Variants in PTPN13 observed in about 807,000 individuals in gnomAD.
PTPN13 encodes protein tyrosine phosphatase non-receptor type 13, also known as tyrosine-protein phosphatase non-receptor type 13.
Under a neutral mutation model 284.0 loss-of-function variants are expected in PTPN13, and 191 were observed. The observed-to-expected ratio is 0.67, with a 90% CI of 0.60 to 0.76. The LOEUF (loss-of-function observed/expected upper bound fraction) is 0.76. PTPN13 is among the 30% of genes least tolerant of loss of function. The pLI is 0.00. For missense variants in PTPN13, 2,797 were observed against 2,939.9 expected (o/e 0.95, Z 1.12); for synonymous variants, 986 against 1,022.3 (o/e 0.96, Z 0.68).
At chr4:86,679,389 C>T (rs1728636645) in intron 3 of PTPN13, among the ~76,000 whole-genome samples, 2 of 152,074 alleles carry the variant, frequency 1.3e-5, no homozygotes, top group African/African-American at 2.4e-5. Flanking sequence ...TATTGTATCC[C>T]CTATGCTCTC....
chr4:86,667,450 CT>C, intron 2 of PTPN13, among the ~76,000 whole-genome samples: 1 of 152,058 alleles, frequency 6.6e-6, no homozygotes, highest in South Asian at 2.1e-4. Flanking sequence ...ATTAATACAG[CT>C]TTATTTTGTA....
intron 7 of PTPN13, among the ~76,000 whole-genome samples, chr4:86,711,117 T>TTTTTTTTTTTTTTTTTG (rs1732367517): frequency 6.7e-6 from 1 of 148,736 alleles, no homozygotes; most frequent in African/African-American, 2.5e-5. Flanking sequence ...TTTTTTTTTT[T>TTTTTTTTTTTTTTTTTG]GGAGAGATGG....
At chr4:86,750,930 T>C (rs1737313338) in intron 18 of PTPN13, 43 bp downstream of exon 18, 2 of 1,581,390 alleles carry the variant, frequency 1.3e-6, no homozygotes. Flanking sequence ...TTGTAAATTC[T>C]ACATTTCATA....
chr4:86,594,834 G>T (rs1317490178), intron 1 of PTPN13, 45 bp downstream of exon 1: 1 of 152,354 alleles, frequency 6.6e-6, no homozygotes, highest in Non-Finnish European at 1.5e-5. Flanking sequence ...ATGTGCAGAA[G>T]TGCAAAACAA....
In PTPN13 at chr4:86,635,320, T is replaced by C. The variant is rs2148721992; in HGVS notation, c.64T>C (p.Trp22Arg). Reference sequence around the variant, plus strand: ...TGGACCACTTCAGGAGGAAGAAATATGGGCTGTATTAAATCAAAGTGCTGA... The same window carrying C: ...TGGACCACTTCAGGAGGAAGAAATACGGGCTGTATTAAATCAAAGTGCTGA... ...RGGPLQEEEI[W>R]AVLNQSAESL... is the part of the protein sequence containing the mutation. The change falls in exon 2 of 48, where the codon TGG (tryptophan) becomes CGG (arginine). Residue 22 changes from tryptophan to arginine, a missense_variant. Transcript: ENST00000411767. The C allele has an allele frequency of 1.2e-6, 2 of 1,607,716 alleles. No individual in the cohort carries two copies. Among genetic ancestry groups the C allele is most frequent in the Non-Finnish European group, 8.5e-7 (1 of 1,177,338 alleles).
intron 3 of PTPN13, among the ~76,000 whole-genome samples, chr4:86,686,421 GA>G (rs1729464400): frequency 6.6e-6 from 1 of 151,972 alleles, no homozygotes; most frequent in South Asian, 2.1e-4. Flanking sequence ...GAGGAAATAA[GA>G]ATATATATTC....
chr4:86,784,372 TAAGA>T (rs1452063742), intron 37 of PTPN13, 89 bp from the exon 38 acceptor site: 2 of 786,750 alleles, frequency 2.5e-6, no homozygotes, highest in African/African-American at 1.8e-5. Flanking sequence ...GATCTTGTAC[TAAGA>T]AAGAAGAGGA....
chr4:86,790,496 T>C (rs1400458936), intron 40 of PTPN13, among the ~76,000 whole-genome samples: 3 of 152,040 alleles, frequency 2.0e-5, no homozygotes, highest in Non-Finnish European at 4.4e-5. Flanking sequence ...TAATTACAAG[T>C]TGTGTTAAGG....
At chr4:86,776,138 G>C (rs983422202) in intron 35 of PTPN13, among the ~76,000 whole-genome samples, 47 of 152,102 alleles carry the variant, frequency 3.1e-4, no homozygotes, top group African/African-American at 1.1e-3. Flanking sequence ...TAGAGACGGG[G>C]TTTCACCATG....
intron 10 of PTPN13, among the ~76,000 whole-genome samples, chr4:86,724,948 C>T (rs1279392003): frequency 6.6e-6 from 1 of 151,926 alleles, no homozygotes; most frequent in Non-Finnish European, 1.5e-5. Context: ...GGTGTTTCTC[C>T]TAATGCTATC....
intron 2 of PTPN13, 85 bp from the exon 3 acceptor site, chr4:86,672,280 A>C: frequency 8.8e-7 from 1 of 1,135,662 alleles, no homozygotes; most frequent in South Asian, 1.7e-5. Flanking sequence ...TTATCCATTG[A>C]AGTGATTGCT....
intron 9 of PTPN13, among the ~76,000 whole-genome samples, chr4:86,719,119 T>C (rs1733361552): frequency 6.6e-6 from 1 of 152,158 alleles, no homozygotes. Flanking sequence ...TTTGTTCCTC[T>C]CCTTCCTCCC....
intron 37 of PTPN13, among the ~76,000 whole-genome samples, chr4:86,783,776 A>G (rs1418799615): frequency 2.6e-5 from 4 of 151,912 alleles, no homozygotes; most frequent in African/African-American, 7.2e-5. Context: ...TATTCCAAGC[A>G]TTTATTTTTG....
chr4:86,745,141 A>G lies in PTPN13; in HGVS notation c.2650+13A>G, dbSNP rs781571538. On this transcript the variant is annotated intron_variant, in intron 17 of 47. Coordinates refer to ENST00000411767, the MANE Select transcript of PTPN13 (RefSeq NM_080683.3). ...GCCCAAGATATTGGTAAGGAGAAGC[A>G]GACTATTTCAGATGACTCCTGGGAA... 6.3e-7 allele frequency: 1 copy of G among 1,595,220 alleles called. No homozygotes were observed. The highest frequency in any genetic ancestry group is 8.5e-7 in the Non-Finnish European group (1 of 1,171,964).
At chr4:86,738,175 C>T (rs1040790640) in intron 15 of PTPN13, among the ~76,000 whole-genome samples, 1 of 151,426 alleles carries the variant, frequency 6.6e-6, no homozygotes, top group East Asian at 2.0e-4. Flanking sequence ...TATAAACATT[C>T]CAGTTCACAT....
At chr4:86,629,876 C>T (rs1722273508) in intron 1 of PTPN13, among the ~76,000 whole-genome samples, 1 of 151,976 alleles carries the variant, frequency 6.6e-6, no homozygotes, top group Non-Finnish European at 1.5e-5. Flanking sequence ...CCCATCTCAA[C>T]CTCTCAGGTA....
At chr4:86,641,447 G>A (rs1175551893) in intron 2 of PTPN13, among the ~76,000 whole-genome samples, 5 of 152,016 alleles carry the variant, frequency 3.3e-5, no homozygotes, top group African/African-American at 1.2e-4. Context: ...ATTTCTACTG[G>A]GGTATTATTG....
At chr4:86,788,223 A>G (rs1014677496) in intron 40 of PTPN13, among the ~76,000 whole-genome samples, 3 of 152,194 alleles carry the variant, frequency 2.0e-5, no homozygotes, top group African/African-American at 7.2e-5. Flanking sequence ...AAAATTTGCA[A>G]ATATGACTAA....
intron 1 of PTPN13, among the ~76,000 whole-genome samples, chr4:86,608,518 A>G (rs2149185142): frequency 6.6e-6 from 1 of 152,248 alleles, no homozygotes; most frequent in East Asian, 1.9e-4. Flanking sequence ...TAATGATAGT[A>G]CATGCTTATA....
Sources: allele counts gnomAD v4.1 joint callset (sites outside exome capture counted in the v4.1 genomes callset), GRCh38; gene constraint gnomAD v4.1.1; transcripts MANE v1.5; gene names NCBI Gene and HGNC (gene_info 2026-07-23, HGNC 2026-07-21).